Variants in FAM3C observed in about 807,000 individuals in gnomAD.
FAM3C encodes the protein protein FAM3C.
In FAM3C, 15 loss-of-function variants were observed where a neutral mutation model predicts 32.5. That is an observed-to-expected ratio of 0.46 (90% CI 0.31 to 0.71). The LOEUF (loss-of-function observed/expected upper bound fraction) is 0.71, where lower values mean the gene tolerates loss of function less well. FAM3C is among the 30% of genes least tolerant of loss of function. FAM3C has a pLI of 0.05. For synonymous variants in FAM3C, 75 were observed against 86.1 expected, an observed-to-expected ratio of 0.87 and a Z score of 0.72; for missense variants, 175 against 274.4, an observed-to-expected ratio of 0.64 and a Z score of 2.56.
At chr7:121,374,988 C>G (rs1794213418) in intron 3 of FAM3C, among the ~76,000 whole-genome samples, 1 of 152,170 alleles carries the variant, frequency 6.6e-6, no homozygotes, top group South Asian at 2.1e-4. Context: ...TTCACTCAAT[C>G]AGCATTTACT....
intron 1 of FAM3C, among the ~76,000 whole-genome samples, chr7:121,394,479 G>A (rs1794644356): frequency 6.6e-6 from 1 of 152,122 alleles, no homozygotes; most frequent in Non-Finnish European, 1.5e-5. Context: ...TGAAACAGAA[G>A]CCCCTTACAA....
In FAM3C at chr7:121,356,483, A is replaced by T. The variant is rs113973324; in HGVS notation, c.467+3560T>A. Among the ~76,000 whole-genome samples, 462 of 152,328 alleles carry T rather than the reference A, an allele frequency of 3.0e-3. 3 individuals carry two copies. The highest frequency in any genetic ancestry group is 0.01 in the African/African-American group (420 of 41,580). On this transcript the variant is annotated intron_variant, in intron 8 of 9. Coordinates refer to ENST00000359943, the MANE Select transcript of FAM3C (RefSeq NM_014888.3). ...ACTGTTTTGTTGTTCCATCTATCCA[A>T]ATTAAAGAACATCAGGCAGAATTTA...
In FAM3C at chr7:121,363,487, T is replaced by C. The variant is rs1438448112; in HGVS notation, c.332-540A>G. 2.0e-5 allele frequency among the ~76,000 whole-genome samples: 3 copies of C among 152,292 alleles called. No individual in the cohort carries two copies. In the East Asian group the frequency reaches 5.8e-4, roughly 29 times the overall value. ...AGAAGAACAAAAATTTACCTCTTGC[T>C]GTGAAAGTAGTAAAATATATTTTTC... On this transcript the variant is annotated intron_variant, in intron 6 of 9. Coordinates refer to ENST00000359943, the MANE Select transcript of FAM3C (RefSeq NM_014888.3).
chr7:121,351,035 A>T (rs1254687875), intron 9 of FAM3C, 108 bp downstream of exon 9: 4 of 977,036 alleles, frequency 4.1e-6, no homozygotes, highest in African/African-American at 3.2e-5. Flanking sequence ...ATATATGATC[A>T]TATTTACTAT....
At chr7:121,355,279 T>C (rs1188133406) in intron 8 of FAM3C, among the ~76,000 whole-genome samples, 1 of 152,184 alleles carries the variant, frequency 6.6e-6, no homozygotes, top group Non-Finnish European at 1.5e-5. Context: ...CTTCACACTT[T>C]TAGATTGTAA....
intron 7 of FAM3C, among the ~76,000 whole-genome samples, chr7:121,362,235 C>G (rs1793939775): frequency 6.6e-6 from 1 of 152,150 alleles, no homozygotes; most frequent in African/African-American, 2.4e-5. Context: ...GGTGCCAGTC[C>G]CTTGCCTCTG....
At chr7:121,371,152 C>A (rs1471662929) in intron 5 of FAM3C, 148 bp downstream of exon 5, 8 of 920,504 alleles carry the variant, frequency 8.7e-6, no homozygotes, top group Non-Finnish European at 1.3e-5. Flanking sequence ...CCCTTGAATT[C>A]ATGAGAAAAA....
intron 8 of FAM3C, among the ~76,000 whole-genome samples, chr7:121,352,983 G>A (rs941181043): frequency 6.6e-6 from 1 of 152,176 alleles, no homozygotes; most frequent in Admixed American, 6.5e-5. Context: ...ACAGGCAGTA[G>A]GCTCAGTGGT....
rs1472892456 is a variant in FAM3C at position 121,349,292 on chromosome 7, G to C, written c.*1169C>G. On this transcript the variant is annotated 3_prime_UTR_variant, in exon 10 of 10. Coordinates refer to ENST00000359943, the MANE Select transcript of FAM3C (RefSeq NM_014888.3). ...TCACTAAATTTATGTTCCAGTTTGA[G>C]ATACTTCATACACAACATATATTTA... The C allele has an allele frequency of 1.3e-5, 2 of 152,242 alleles. No homozygotes were observed. The highest frequency in any genetic ancestry group is 2.9e-5 in the Non-Finnish European group (2 of 67,938). The allele number at this position is 152,242 out of a possible 1,614,324, so 9.4% of individuals were successfully genotyped here. A position where few individuals can be genotyped will look rare whatever the true frequency, so the allele number is the denominator to read the frequency against.
At chr7:121,361,345 G>T (rs780222706) in intron 7 of FAM3C, among the ~76,000 whole-genome samples, 4 of 152,174 alleles carry the variant, frequency 2.6e-5, no homozygotes, top group Non-Finnish European at 4.4e-5. Flanking sequence ...CATAATAATA[G>T]CATTTTCAAT....
chr7:121,364,053 C>T, intron 6 of FAM3C, 77 bp downstream of exon 6: 5 of 944,038 alleles, frequency 5.3e-6, no homozygotes, highest in Non-Finnish European at 3.5e-6. Context: ...CTAACCTGAT[C>T]CTCTGATAGT....
intron 1 of FAM3C, among the ~76,000 whole-genome samples, chr7:121,390,853 C>CGGGGGGGGGGGG (rs58750532): frequency 1.3e-4 from 1 of 7,438 alleles, no homozygotes. Flanking sequence ...CTGTGTGGGG[C>CGGGGGGGGGGGG]GGGGGGGGGG....
At chr7:121,368,801 T>G (rs1043028421) in intron 5 of FAM3C, among the ~76,000 whole-genome samples, 27 of 151,836 alleles carry the variant, frequency 1.8e-4, no homozygotes, top group African/African-American at 6.3e-4. Flanking sequence ...TGGTCTTCCT[T>G]TCTATCCCTC....
intron 2 of FAM3C, among the ~76,000 whole-genome samples, chr7:121,381,207 T>C (rs988764401): frequency 2.0e-5 from 3 of 152,180 alleles, no homozygotes; most frequent in Admixed American, 6.6e-5. Context: ...ACTGCACTAA[T>C]ATCAGTGTGC....
Position 121,350,388 on chromosome 7 carries a change from A to T in FAM3C, c.*73T>A, listed in dbSNP as rs1422599792. 7 of 1,604,640 alleles carry T rather than the reference A, an allele frequency of 4.4e-6. No individual in the cohort carries two copies. Among genetic ancestry groups the T allele is most frequent in the Non-Finnish European group, 6.0e-6 (7 of 1,174,770 alleles). ...GGCTGCATGCTCTTAAAATATTTACACATAGCTCTGCCATTTATAGCTCTC... is the reference window on the plus strand; with the variant it reads ...GGCTGCATGCTCTTAAAATATTTACTCATAGCTCTGCCATTTATAGCTCTC... On this transcript the variant is annotated 3_prime_UTR_variant, in exon 10 of 10. Transcript: ENST00000359943.
intron 8 of FAM3C, among the ~76,000 whole-genome samples, chr7:121,354,880 G>A (rs1793778352): frequency 1.3e-5 from 2 of 152,098 alleles, no homozygotes; most frequent in African/African-American, 4.8e-5. Flanking sequence ...AGAAAAAAAT[G>A]GAGCATAGTT....
chr7:121,374,855 C>T (rs1449180337), intron 3 of FAM3C, among the ~76,000 whole-genome samples: 1 of 152,204 alleles, frequency 6.6e-6, no homozygotes, highest in Non-Finnish European at 1.5e-5. Flanking sequence ...TAAAGTAACT[C>T]AACGTTTGTT....
At chr7:121,381,573 T>G (rs1794357261) in intron 2 of FAM3C, among the ~76,000 whole-genome samples, 1 of 151,950 alleles carries the variant, frequency 6.6e-6, no homozygotes, top group Non-Finnish European at 1.5e-5. Flanking sequence ...TATTTCAAAT[T>G]GCCATGCTTA....
At chr7:121,351,459 C>A in intron 8 of FAM3C, 190 bp from the exon 9 acceptor site, 1 of 485,226 alleles carries the variant, frequency 2.1e-6, no homozygotes, top group Non-Finnish European at 3.6e-6. Context: ...ACATGAACTC[C>A]AACAATTAAT....
Sources: gnomAD v4.1 joint callset for allele counts (sites outside exome capture counted in the v4.1 genomes callset) on GRCh38, gnomAD v4.1.1 for gene constraint, MANE v1.5 for transcripts, NCBI Gene and HGNC (gene_info 2026-07-23, HGNC 2026-07-21) for gene names.